Variants in CNTNAP2 observed in about 807,000 individuals in gnomAD.
CNTNAP2 encodes contactin-associated protein-like 2.
Under a neutral mutation model 155.2 loss-of-function variants are expected in CNTNAP2, and 98 were observed. The observed-to-expected ratio is 0.63, with a 90% CI of 0.54 to 0.75. The LOEUF is 0.75. Among genes scored for constraint, CNTNAP2 ranks in the 30% least tolerant of loss-of-function variants. The pLI is 0.00. For synonymous variants in CNTNAP2, 651 were observed against 631.2 expected (o/e 1.03, Z -0.47); for missense variants, 1,727 against 1,688.1 (o/e 1.02, Z -0.40).
At chr7:146,718,227 CT>C (rs1457948743) in intron 1 of CNTNAP2, among the ~76,000 whole-genome samples, 1 of 152,172 alleles carries the variant, frequency 6.6e-6, no homozygotes, top group African/African-American at 2.4e-5. Context: ...TTATTAAAAT[CT>C]CAGTGCTTTT....
intron 1 of CNTNAP2, among the ~76,000 whole-genome samples, chr7:146,586,420 G>A (rs1798693105): frequency 6.6e-6 from 1 of 152,000 alleles, no homozygotes; most frequent in Non-Finnish European, 1.5e-5. Context: ...AACTTCTAAA[G>A]GTAGGAGAGA....
chr7:148,112,796 TATATTC>T (rs1804380668), intron 15 of CNTNAP2, among the ~76,000 whole-genome samples: 1 of 151,918 alleles, frequency 6.6e-6, no homozygotes, highest in South Asian at 2.1e-4. Flanking sequence ...ATTCTCATCT[TATATTC>T]AGGAAAATCA....
At chr7:147,337,196 AG>A (rs1481291101) in intron 9 of CNTNAP2, among the ~76,000 whole-genome samples, 2 of 152,136 alleles carry the variant, frequency 1.3e-5, no homozygotes, top group Non-Finnish European at 2.9e-5. Context: ...GCAAAAGACA[AG>A]GGAAGGTTAG....
At chr7:146,452,393 A>G (rs1796497501) in intron 1 of CNTNAP2, among the ~76,000 whole-genome samples, 1 of 152,218 alleles carries the variant, frequency 6.6e-6, no homozygotes, top group South Asian at 2.1e-4. Context: ...TTCAATAAAT[A>G]TTTGATTGAA....
chr7:146,370,809 T>C (rs1795223714), intron 1 of CNTNAP2, among the ~76,000 whole-genome samples: 2 of 152,150 alleles, frequency 1.3e-5, no homozygotes, highest in Admixed American at 1.3e-4. Flanking sequence ...TGATTTATAT[T>C]TGTTATGTTT....
chr7:148,330,683 G>A (rs1172019495), intron 21 of CNTNAP2, among the ~76,000 whole-genome samples: 3 of 141,488 alleles, frequency 2.1e-5, no homozygotes, highest in Admixed American at 2.1e-4. Context: ...AGTAGATGGA[G>A]TGGATGGAGT....
At chr7:147,789,160 G>T (rs1797782806) in intron 13 of CNTNAP2, among the ~76,000 whole-genome samples, 1 of 151,940 alleles carries the variant, frequency 6.6e-6, no homozygotes, top group Non-Finnish European at 1.5e-5. Flanking sequence ...GCCCGCCTCG[G>T]CCTCCCAAAG....
At chr7:147,777,987 A>T (rs12534449) in intron 13 of CNTNAP2, among the ~76,000 whole-genome samples, 2,019 of 152,042 alleles carry the variant, frequency 0.013, 103 homozygotes, top group Admixed American at 0.089. Flanking sequence ...CCTGCCTTAA[A>T]CCCCTTGGTT....
chr7:148,290,401 C>T (rs2116479654), intron 21 of CNTNAP2, among the ~76,000 whole-genome samples: 1 of 152,264 alleles, frequency 6.6e-6, no homozygotes, highest in South Asian at 2.1e-4. Flanking sequence ...AAATTCTAAC[C>T]CTAAAATATT....
At position 146,368,949 on chromosome 7, in the gene CNTNAP2, AG is replaced by A. The variant is rs532975818; in HGVS notation, c.97+251977del. Among the ~76,000 whole-genome samples the A allele has an allele frequency of 4.1e-3, 612 of 149,534 alleles. 3 individuals carry two copies. Among genetic ancestry groups the A allele is most frequent in the African/African-American group, 0.014 (558 of 41,010 alleles). Reference sequence around the variant, plus strand: ...TATTGAATTAAGCCAGCCAGTCAAAAGCTTGAAATTAAACATAGTATTTTCC... The same window carrying A: ...TATTGAATTAAGCCAGCCAGTCAAAACTTGAAATTAAACATAGTATTTTCC... On this transcript the variant is annotated intron_variant, in intron 1 of 23. Transcript: ENST00000361727.
chr7:148,222,716 T>A (rs767629888), intron 19 of CNTNAP2, among the ~76,000 whole-genome samples: 2 of 152,146 alleles, frequency 1.3e-5, no homozygotes, highest in African/African-American at 2.4e-5. Flanking sequence ...GGATATTGCT[T>A]AAAAGGGATC....
chr7:147,084,301 GTATA>G (rs1193584970), intron 4 of CNTNAP2, among the ~76,000 whole-genome samples: 1 of 32,702 alleles, frequency 3.1e-5, no homozygotes, highest in Non-Finnish European at 5.0e-5. Flanking sequence ...TGCTATATAT[GTATA>G]TATAATCCAT....
At chr7:146,519,484 A>G (rs1399514796) in intron 1 of CNTNAP2, among the ~76,000 whole-genome samples, 2 of 151,966 alleles carry the variant, frequency 1.3e-5, no homozygotes, top group Non-Finnish European at 2.9e-5. Context: ...AAGTAAAACC[A>G]TAAAATCAGC....
At chr7:147,467,844 A>C (rs912204263) in intron 10 of CNTNAP2, among the ~76,000 whole-genome samples, 2 of 146,838 alleles carry the variant, frequency 1.4e-5, no homozygotes, top group Non-Finnish European at 3.0e-5. Context: ...AGCCTGGGAA[A>C]CATAGTAAGA....
At chr7:147,048,210 C>T (rs74788259) in intron 4 of CNTNAP2, among the ~76,000 whole-genome samples, 10,240 of 151,544 alleles carry the variant, frequency 0.068, 432 homozygotes, top group Middle Eastern at 0.13. Context: ...TTTACATTAG[C>T]CAGGTGGGCC....
At chr7:147,222,832 T>C (rs1055770245) in intron 8 of CNTNAP2, among the ~76,000 whole-genome samples, 2 of 146,608 alleles carry the variant, frequency 1.4e-5, no homozygotes. Context: ...TTTTTTTTTT[T>C]TCTGCCTCGT....
intron 1 of CNTNAP2, among the ~76,000 whole-genome samples, chr7:146,649,705 G>A (rs185453724): frequency 2.6e-4 from 39 of 152,180 alleles, no homozygotes; most frequent in African/African-American, 7.7e-4. Context: ...TCCATTTTTA[G>A]TGATGTTATT....
chr7:148,090,071 G>A (rs938854971), intron 15 of CNTNAP2, among the ~76,000 whole-genome samples: 13 of 151,974 alleles, frequency 8.6e-5, no homozygotes, highest in African/African-American at 2.6e-4. Context: ...TGTGAAACTA[G>A]GCTCTCATTT....
At chr7:146,836,081 AT>A (rs1803611198) in intron 2 of CNTNAP2, among the ~76,000 whole-genome samples, 1 of 152,182 alleles carries the variant, frequency 6.6e-6, no homozygotes, top group Non-Finnish European at 1.5e-5. Context: ...AAAAGTGTGA[AT>A]TATATGATAA....
Sources: allele counts gnomAD v4.1 joint callset (sites outside exome capture counted in the v4.1 genomes callset), GRCh38; gene constraint gnomAD v4.1.1; transcripts MANE v1.5; gene names NCBI Gene and HGNC (gene_info 2026-07-23, HGNC 2026-07-21).